The following FBXO11 variants were observed in gnomAD, a reference collection of about 807,000 sequenced individuals.
FBXO11 encodes the protein F-box protein 11.
A neutral mutation model predicts 117.0 loss-of-function variants in FBXO11; 13 were observed. That is an observed-to-expected ratio of 0.11 (90% CI 0.07 to 0.18). FBXO11 has a LOEUF of 0.18. Among genes scored for constraint, FBXO11 ranks in the 10% least tolerant of loss-of-function variants. The pLI, the probability that FBXO11 is intolerant of heterozygous loss-of-function variation, is 1.00. For synonymous variants in FBXO11, 490 were observed against 380.5 expected, an observed-to-expected ratio of 1.29 and a Z score of -3.35; for missense variants, 767 against 1,164.4, an observed-to-expected ratio of 0.66 and a Z score of 4.97.
intron 1 of FBXO11, among the ~76,000 whole-genome samples, chr2:47,850,521 A>T (rs917216485): frequency 7.9e-5 from 12 of 152,222 alleles, no homozygotes; most frequent in African/African-American, 2.9e-4. Context: ...TAGACGTGCC[A>T]TTCAATTTTT....
intron 1 of FBXO11, among the ~76,000 whole-genome samples, chr2:47,868,719 G>A (rs778980623): frequency 1.3e-5 from 2 of 152,168 alleles, no homozygotes; most frequent in African/African-American, 4.8e-5. Context: ...TACTTGCCAA[G>A]GTTGATTTGG....
At chr2:47,809,331 A>G (rs1670454268) in intron 20 of FBXO11, 65 bp from the exon 21 acceptor site, 3 of 1,061,210 alleles carry the variant, frequency 2.8e-6, no homozygotes, top group Non-Finnish European at 2.8e-6. Flanking sequence ...ACCAAAGATT[A>G]TAGGATTATT....
At chr2:47,857,264 C>A (rs1572855080) in intron 1 of FBXO11, among the ~76,000 whole-genome samples, 1 of 152,096 alleles carries the variant, frequency 6.6e-6, no homozygotes, top group Non-Finnish European at 1.5e-5. Context: ...ATATACACAG[C>A]CATTAATGAG....
At chr2:47,809,946 A>G (rs1180260861) in intron 19 of FBXO11, 1 of 509,152 alleles carries the variant, frequency 2.0e-6, no homozygotes, top group Non-Finnish European at 3.5e-6. Context: ...GTTTAAATAC[A>G]TGATACTTGG....
At chr2:47,808,455 T>TC (rs1368926961) in intron 21 of FBXO11, 28 bp from the exon 22 acceptor site, 5 of 1,543,230 alleles carry the variant, frequency 3.2e-6, no homozygotes, top group African/African-American at 1.4e-5. Flanking sequence ...AAATTACTTT[T>TC]CTCAAACATG....
In FBXO11 at chr2:47,863,808, G is replaced by A. The variant is rs374090684; in HGVS notation, c.233-24039C>T. ...ATATAAAAATAAGCTGGGTATGGTG[G>A]CACATGCCTGTAATCCCAGCTAATT... is the stretch of plus-strand genomic sequence containing the variant. On this transcript the variant is annotated intron_variant, in intron 1 of 22. Coordinates refer to ENST00000403359, the MANE Select transcript of FBXO11 (RefSeq NM_001190274.2). Among the ~76,000 whole-genome samples, 14 of 152,190 alleles carry A rather than the reference G, an allele frequency of 9.2e-5. No homozygotes were observed. The East Asian group carries it at 1.7e-3, about 19-fold the overall frequency.
chr2:47,808,049 A>C lies in FBXO11; in HGVS notation c.*69T>G. 2.9e-6 allele frequency: 4 copies of C among 1,386,246 alleles called. No homozygotes were observed. Among genetic ancestry groups the C allele is most frequent in the Non-Finnish European group, 3.0e-6 (3 of 1,004,858 alleles). 85.9% of individuals were successfully genotyped at this position (1,386,246 alleles called of 1,614,324 possible). A position where few individuals can be genotyped will look rare whatever the true frequency, so the allele number is the denominator to read the frequency against. The stretch of plus-strand genomic sequence containing the variant: ...CCTGTAGCATGGGCAAATATTTTAA[A>C]TCTTCTTCCAAAAAAGTGTTTTAAG... On this transcript the variant is annotated 3_prime_UTR_variant, in exon 23 of 23. Coordinates refer to ENST00000403359, the MANE Select transcript of FBXO11 (RefSeq NM_001190274.2).
In FBXO11 at chr2:47,841,036, A is replaced by G. The variant is rs1337892381; in HGVS notation, c.233-1267T>C. ...ACACAGTGAAACCCCATCTCTACTA[A>G]AACTACAAAAAATTAGCCTGGTGTG... On this transcript the variant is annotated intron_variant, in intron 1 of 22. Transcript: ENST00000403359. Among the ~76,000 whole-genome samples the G allele has an allele frequency of 3.3e-5, 5 of 151,974 alleles. No individual in the cohort carries two copies. The East Asian group carries it at 9.7e-4, about 30-fold the overall frequency.
intron 13 of FBXO11, among the ~76,000 whole-genome samples, chr2:47,821,051 T>A (rs1344341522): frequency 6.6e-6 from 1 of 152,204 alleles, no homozygotes; most frequent in Non-Finnish European, 1.5e-5. Flanking sequence ...ACAGAAACAA[T>A]TAACTATTAA....
At chr2:47,838,777 C>G in intron 4 of FBXO11, 82 bp downstream of exon 4, 1 of 1,342,352 alleles carries the variant, frequency 7.4e-7, no homozygotes. Flanking sequence ...ACCAACTCAC[C>G]GCACCGACTT....
chr2:47,860,056 C>T (rs1185156891), intron 1 of FBXO11, among the ~76,000 whole-genome samples: 2 of 152,052 alleles, frequency 1.3e-5, no homozygotes, highest in Non-Finnish European at 2.9e-5. Flanking sequence ...GCTTAGGAGA[C>T]ATGTCTGTTT....
Position 47,823,220 on chromosome 2 carries a change from T to C in FBXO11, c.1539A>G (p.Gly513=), listed in dbSNP as rs920415828. 1 of 1,614,106 alleles carries C rather than the reference T, an allele frequency of 6.2e-7. No individual in the cohort carries two copies. Among genetic ancestry groups the C allele is most frequent in the Admixed American group, 1.7e-5 (1 of 60,020 alleles). Residue 513 remains glycine, a synonymous_variant, in exon 12 of 23, where the codon GGA becomes GGG. Transcript: ENST00000403359. ...GGIYVHEKGR[G]QFIENKIYAN... is the part of the protein sequence containing the mutation. Reference sequence around the variant, plus strand: ...CATAGATTTTATTCTCTATGAATTGTCCTCTTCCTTTTTCATGGACATATA... The same window carrying C: ...CATAGATTTTATTCTCTATGAATTGCCCTCTTCCTTTTTCATGGACATATA...
chr2:47,895,756 G>A (rs540697371), intron 1 of FBXO11, among the ~76,000 whole-genome samples: 10 of 151,686 alleles, frequency 6.6e-5, no homozygotes, highest in East Asian at 1.9e-4. Flanking sequence ...GCAGTGGCAT[G>A]ATCTGGGCTC....
chr2:47,827,048 T>G (rs1455182372), intron 11 of FBXO11, among the ~76,000 whole-genome samples: 1 of 152,244 alleles, frequency 6.6e-6, no homozygotes, highest in Non-Finnish European at 1.5e-5. Context: ...AGGTTAAGGA[T>G]TAAATATGTC....
intron 1 of FBXO11, among the ~76,000 whole-genome samples, chr2:47,873,524 C>T (rs1675777531): frequency 6.6e-6 from 1 of 151,842 alleles, no homozygotes; most frequent in Admixed American, 6.6e-5. Context: ...GCTTCCATAC[C>T]TTCCCAGTGC....
chr2:47,899,935 TAAAAC>T (rs1677974007), intron 1 of FBXO11, among the ~76,000 whole-genome samples: 1 of 134,030 alleles, frequency 7.5e-6, no homozygotes, highest in South Asian at 2.6e-4. Context: ...TTTTCAAAGT[TAAAAC>T]AAACGGTGGG....
intron 20 of FBXO11, 62 bp downstream of exon 20, chr2:47,809,538 G>T: frequency 8.2e-7 from 1 of 1,213,124 alleles, no homozygotes; most frequent in African/African-American, 1.5e-5. Flanking sequence ...TTATAAAACG[G>T]CTTCTGATTA....
Position 47,807,940 on chromosome 2 carries a change from T to C in FBXO11, c.*178A>G, listed in dbSNP as rs1273410226. 5 of 597,260 alleles carry C rather than the reference T, an allele frequency of 8.4e-6. No individual in the cohort carries two copies. In the East Asian group the frequency reaches 1.4e-4, roughly 16 times the overall value. 37.0% of individuals were successfully genotyped at this position (597,260 alleles called of 1,614,324 possible). A position where few individuals can be genotyped will look rare whatever the true frequency, so the allele number is the denominator to read the frequency against. ...AAACACCCAGCTTTGAGATCCTGAG[T>C]CAATATATTGCCACTTTCTTTTTGG... On this transcript the variant is annotated 3_prime_UTR_variant, in exon 23 of 23. Coordinates refer to ENST00000403359, the MANE Select transcript of FBXO11 (RefSeq NM_001190274.2).
chr2:47,900,904 A>ACG (rs1558487731), intron 1 of FBXO11, among the ~76,000 whole-genome samples: 3 of 121,300 alleles, frequency 2.5e-5, no homozygotes, highest in African/African-American at 3.0e-5. Flanking sequence ...ATATACACAC[A>ACG]TATATATGTA....
Sources: gnomAD v4.1 joint callset for allele counts (sites outside exome capture counted in the v4.1 genomes callset) on GRCh38, gnomAD v4.1.1 for gene constraint, MANE v1.5 for transcripts, NCBI Gene and HGNC (gene_info 2026-07-23, HGNC 2026-07-21) for gene names.